Variants in FBRSL1 observed in about 807,000 individuals in gnomAD.
The protein encoded by FBRSL1 is fibrosin like 1.
In FBRSL1, 51 loss-of-function variants were observed where a neutral mutation model predicts 89.6. That is an observed-to-expected ratio of 0.57 (90% CI 0.45 to 0.72). The LOEUF is 0.72. Among genes scored for constraint, FBRSL1 ranks in the 30% least tolerant of loss-of-function variants. The probability of loss-of-function intolerance (pLI) is 0.00; values close to 1 mark genes in which losing one functional copy is unlikely to be tolerated. For synonymous variants in FBRSL1, 779 were observed against 681.1 expected, an observed-to-expected ratio of 1.14 and a Z score of -2.24; for missense variants, 1,618 against 1,451.8, an observed-to-expected ratio of 1.11 and a Z score of -1.86.
intron 5 of FBRSL1, among the ~76,000 whole-genome samples, chr12:132,561,960 T>C (rs1284264998): frequency 1.3e-5 from 2 of 152,134 alleles, no homozygotes; most frequent in Non-Finnish European, 1.5e-5. Context: ...TGCTGGGGGA[T>C]GGGCACGGCC....
Position 132,511,617 on chromosome 12 carries a change from G to A in FBRSL1, c.489+3267G>A, listed in dbSNP as rs529130769. The A allele has an allele frequency of 1.4e-4, 134 of 985,618 alleles. No individual in the cohort carries two copies. The African/African-American group carries it at 2.0e-3, about 14-fold the overall frequency. The allele number at this position is 985,618 out of a possible 1,614,324, so 61.1% of individuals were successfully genotyped here. A position where few individuals can be genotyped will look rare whatever the true frequency, so the allele number is the denominator to read the frequency against. Reference sequence around the variant, plus strand: ...CAGCGTTGACCACCTGGACCCCTGCGCCACGTGACAGGAGGCTCTGGTCCT... The same window carrying A: ...CAGCGTTGACCACCTGGACCCCTGCACCACGTGACAGGAGGCTCTGGTCCT... On this transcript the variant is annotated intron_variant, in intron 2 of 18. Coordinates refer to ENST00000680143, the MANE Select transcript of FBRSL1 (RefSeq NM_001367871.1).
At chr12:132,534,708 G>A (rs924169723) in intron 4 of FBRSL1, among the ~76,000 whole-genome samples, 2 of 152,258 alleles carry the variant, frequency 1.3e-5, no homozygotes, top group African/African-American at 2.4e-5. Flanking sequence ...AGGGTTCAGG[G>A]TGGCTTTGCT....
intron 2 of FBRSL1, among the ~76,000 whole-genome samples, chr12:132,519,040 A>T (rs1370401118): frequency 1.3e-5 from 2 of 152,274 alleles, no homozygotes; most frequent in Non-Finnish European, 2.9e-5. Context: ...AAGGTGGAGC[A>T]GCGTACTGGA....
intron 4 of FBRSL1, among the ~76,000 whole-genome samples, chr12:132,531,485 T>C (rs1183906203): frequency 6.6e-6 from 1 of 152,140 alleles, no homozygotes; most frequent in Non-Finnish European, 1.5e-5. Flanking sequence ...TGTGGTGGGC[T>C]GCATGGGGCT....
chr12:132,502,073 C>T (rs1357523183), intron 1 of FBRSL1, among the ~76,000 whole-genome samples: 5 of 152,196 alleles, frequency 3.3e-5, no homozygotes, highest in African/African-American at 9.7e-5. Flanking sequence ...GAAGAGGTGA[C>T]CTCCCGGGTC....
chr12:132,522,742 G>C (rs2035466559), intron 2 of FBRSL1, among the ~76,000 whole-genome samples: 1 of 152,222 alleles, frequency 6.6e-6, no homozygotes, highest in South Asian at 2.1e-4. Flanking sequence ...AGGCTTGGTG[G>C]AGCAGCAGGG....
chr12:132,542,044 G>A (rs2037310249), intron 4 of FBRSL1, among the ~76,000 whole-genome samples: 1 of 152,254 alleles, frequency 6.6e-6, no homozygotes, highest in South Asian at 2.1e-4. Context: ...GGCGGCACGT[G>A]GCTCTGTGGC....
At chr12:132,573,529 C>T (rs998044117) in intron 11 of FBRSL1, among the ~76,000 whole-genome samples, 2 of 152,170 alleles carry the variant, frequency 1.3e-5, no homozygotes, top group African/African-American at 2.4e-5. Context: ...GGGGTACTGC[C>T]CTGAGCCCAG....
At position 132,549,222 on chromosome 12, in the gene FBRSL1, G is replaced by A. The variant is rs143704993; in HGVS notation, c.645+1190G>A. Among the ~76,000 whole-genome samples, 349 of 152,304 alleles carry A rather than the reference G, an allele frequency of 2.3e-3. 3 individuals are homozygous for A. The highest frequency in any genetic ancestry group is 7.9e-3 in the African/African-American group (327 of 41,564). On this transcript the variant is annotated intron_variant, in intron 5 of 18. Coordinates refer to ENST00000680143, the MANE Select transcript of FBRSL1 (RefSeq NM_001367871.1). ...GTGGGCCGCAGTGCCGGGCTCAGCC[G>A]TGTCTGGGGCTCCAGCATCCTGGGC...
chr12:132,492,597 C>T (rs571226371), intron 1 of FBRSL1, among the ~76,000 whole-genome samples: 5 of 152,380 alleles, frequency 3.3e-5, no homozygotes, highest in East Asian at 1.9e-4. Flanking sequence ...CCCAGGCCCA[C>T]GTGTTTTGCC....
Position 132,583,389 on chromosome 12 carries a change from T to C in FBRSL1, c.2620T>C (p.Ser874Pro). The C allele has an allele frequency of 9.3e-7, 1 of 1,079,888 alleles. No individual in the cohort carries two copies. The highest frequency in any genetic ancestry group is 1.1e-6 in the Non-Finnish European group (1 of 891,614). The allele number at this position is 1,079,888 out of a possible 1,614,324, so 66.9% of individuals were successfully genotyped here. A position where few individuals can be genotyped will look rare whatever the true frequency, so the allele number is the denominator to read the frequency against. Residue 874 changes from serine (S) to proline (P), a missense_variant, in exon 19 of 19, where the codon TCC becomes CCC. By Grantham distance (74) the Ser-to-Pro change is moderately conservative. Transcript: ENST00000680143. Reference sequence around the variant, plus strand: ...CCCCGCTGCCGCCCCCGCCCCGGGCTCCGCCGCCCTCTTGGAGCCCCCGGA... The same window carrying C: ...CCCCGCTGCCGCCCCCGCCCCGGGCCCCGCCGCCCTCTTGGAGCCCCCGGA... ...AFPAAAPAPGSAALLEPPERP... is the reference protein window; with the variant it reads ...AFPAAAPAPGPAALLEPPERP...
chr12:132,517,281 G>A (rs530434628), intron 2 of FBRSL1, among the ~76,000 whole-genome samples: 6 of 152,372 alleles, frequency 3.9e-5, no homozygotes, highest in Admixed American at 1.3e-4. Context: ...TGGGGGCCAC[G>A]CCGGCCAGGG....
At chr12:132,525,624 G>A (rs928993171) in intron 2 of FBRSL1, 110 bp from the exon 3 acceptor site, 5 of 864,504 alleles carry the variant, frequency 5.8e-6, no homozygotes, top group African/African-American at 5.1e-5. Flanking sequence ...GGGCGCCTGG[G>A]GCCGGGGTGC....
chr12:132,493,759 G>A (rs1382803780), intron 1 of FBRSL1, among the ~76,000 whole-genome samples: 1 of 152,234 alleles, frequency 6.6e-6, no homozygotes, highest in Non-Finnish European at 1.5e-5. Flanking sequence ...GCCCGGGGCA[G>A]GCCCCCAGCA....
chr12:132,521,866 G>A (rs1335351444), intron 2 of FBRSL1, among the ~76,000 whole-genome samples: 4 of 152,226 alleles, frequency 2.6e-5, no homozygotes, highest in African/African-American at 9.6e-5. Flanking sequence ...GGGCCTCTTG[G>A]GTGCTCCACT....
At position 132,583,143 on chromosome 12, in the gene FBRSL1, GA is replaced by G; in HGVS notation, c.2375del (p.Glu792GlyfsTer21). 6.8e-7 allele frequency: 1 copy of G among 1,465,374 alleles called. No homozygotes were observed. Among genetic ancestry groups the G allele is most frequent in the Non-Finnish European group, 9.0e-7 (1 of 1,112,920 alleles). The allele number at this position is 1,465,374 out of a possible 1,614,324, so 90.8% of individuals were successfully genotyped here. Reference sequence around the variant, plus strand: ...GGAGAGCCGCTCCCCGGCCAAGGAGGAGGCCGCCAAGATGCCCGCGCGCGCA... The same window carrying G: ...GGAGAGCCGCTCCCCGGCCAAGGAGGGGCCGCCAAGATGCCCGCGCGCGCA... ...VKESRSPAKE[E>X]AAKMPARASP... On this transcript the variant is annotated frameshift_variant, in exon 19 of 19. Transcript: ENST00000680143. LOFTEE classifies it high-confidence loss of function.
chr12:132,556,360 C>G (rs1593476360), intron 5 of FBRSL1, among the ~76,000 whole-genome samples: 2 of 152,162 alleles, frequency 1.3e-5, no homozygotes, highest in East Asian at 1.9e-4. Context: ...ACACTGCCAG[C>G]GTGGCTGTGG....
intron 1 of FBRSL1, among the ~76,000 whole-genome samples, chr12:132,495,553 G>C (rs2031872975): frequency 6.6e-6 from 1 of 152,212 alleles, no homozygotes; most frequent in African/African-American, 2.4e-5. Flanking sequence ...GCTGCTTCCT[G>C]GTCTCCAGGT....
chr12:132,502,255 A>C (rs1449299311), intron 1 of FBRSL1, among the ~76,000 whole-genome samples: 4 of 152,174 alleles, frequency 2.6e-5, no homozygotes, highest in Non-Finnish European at 5.9e-5. Flanking sequence ...AATCCTTGGC[A>C]GACCCCACTG....
Sources: gnomAD v4.1 joint callset for allele counts (sites outside exome capture counted in the v4.1 genomes callset) on GRCh38, gnomAD v4.1.1 for gene constraint, MANE v1.5 for transcripts, NCBI Gene and HGNC (gene_info 2026-07-23, HGNC 2026-07-21) for gene names.